ARMC3: variants seen among roughly 807,000 people sequenced by gnomAD.
ARMC3 encodes armadillo repeat-containing protein 3.
ARMC3 carries 74 observed loss-of-function variants against 90.3 expected under a neutral mutation model. The ratio of observed to expected loss-of-function variants is 0.82; its 90% CI spans 0.68 to 0.99. The LOEUF (loss-of-function observed/expected upper bound fraction) is 0.99. Among genes scored for constraint, ARMC3 ranks in the 50% least tolerant of loss-of-function variants. ARMC3 has a pLI of 0.00. For missense variants in ARMC3, 958 were observed against 1,042.8 expected, an observed-to-expected ratio of 0.92 and a Z score of 1.12; for synonymous variants, 334 against 361.8, an observed-to-expected ratio of 0.92 and a Z score of 0.87.
intron 3 of ARMC3, among the ~76,000 whole-genome samples, chr10:22,952,773 C>T (rs1024767456): frequency 2.0e-5 from 3 of 152,034 alleles, no homozygotes; most frequent in Admixed American, 6.6e-5. Flanking sequence ...TGTAAAAATT[C>T]TAAACAAAAG....
At chr10:22,929,095 G>A (rs1051687796) in intron 1 of ARMC3, among the ~76,000 whole-genome samples, 2 of 151,828 alleles carry the variant, frequency 1.3e-5, no homozygotes, top group Non-Finnish European at 1.5e-5. Flanking sequence ...GCGTGGTGGC[G>A]GGTACCTGTA....
At chr10:23,027,208 G>T (rs1156380270) in intron 16 of ARMC3, among the ~76,000 whole-genome samples, 1 of 152,084 alleles carries the variant, frequency 6.6e-6, no homozygotes, top group Non-Finnish European at 1.5e-5. Context: ...AGATCATTTT[G>T]GGGGAGAACT....
At chr10:23,020,031 T>G (rs1396577618) in intron 16 of ARMC3, among the ~76,000 whole-genome samples, 1 of 152,258 alleles carries the variant, frequency 6.6e-6, no homozygotes, top group Non-Finnish European at 1.5e-5. Context: ...ACTCACCTGT[T>G]AAAGGACATT....
chr10:23,002,874 C>T (rs544615115), intron 12 of ARMC3, among the ~76,000 whole-genome samples: 181 of 152,186 alleles, frequency 1.2e-3, no homozygotes, highest in Non-Finnish European at 2.0e-3. Flanking sequence ...ACATCTAGCC[C>T]CAGGTTTTAA....
At chr10:22,976,497 G>A (rs761182557) in intron 8 of ARMC3, among the ~76,000 whole-genome samples, 8 of 152,044 alleles carry the variant, frequency 5.3e-5, no homozygotes, top group African/African-American at 1.2e-4. Flanking sequence ...TTATTCCATC[G>A]TTTTCAAAAC....
chr10:22,938,341 G>A (rs531594320), intron 2 of ARMC3, among the ~76,000 whole-genome samples: 2 of 152,300 alleles, frequency 1.3e-5, no homozygotes, highest in Admixed American at 6.5e-5. Flanking sequence ...CACGTAGGAC[G>A]TTAGGTTATG....
intron 2 of ARMC3, among the ~76,000 whole-genome samples, chr10:22,935,240 A>C (rs1834067274): frequency 6.6e-6 from 1 of 152,222 alleles, no homozygotes; most frequent in African/African-American, 2.4e-5. Flanking sequence ...CCTCAGCTGC[A>C]CAACCAAATC....
chr10:22,952,694 A>G (rs1834780457), intron 3 of ARMC3, among the ~76,000 whole-genome samples: 1 of 151,992 alleles, frequency 6.6e-6, no homozygotes, highest in East Asian at 1.9e-4. Flanking sequence ...CCACTACTGT[A>G]TAAAGGCCCA....
chr10:22,953,038 G>A (rs1289114098), intron 3 of ARMC3, among the ~76,000 whole-genome samples: 3 of 152,176 alleles, frequency 2.0e-5, no homozygotes, highest in Non-Finnish European at 2.9e-5. Context: ...TTGAGATGAG[G>A]AGATTACCTT....
At chr10:23,017,544 C>T (rs778089974) in intron 16 of ARMC3, among the ~76,000 whole-genome samples, 25 of 152,220 alleles carry the variant, frequency 1.6e-4, no homozygotes, top group Admixed American at 6.5e-4. Flanking sequence ...ATGGGCGGAT[C>T]ACTTGAGGTC....
intron 4 of ARMC3, 35 bp from the exon 5 acceptor site, chr10:22,959,035 T>C: frequency 6.7e-7 from 1 of 1,496,894 alleles, no homozygotes; most frequent in Non-Finnish European, 9.3e-7. Flanking sequence ...TTATTATTAT[T>C]AATAAACATC....
chr10:23,012,372 C>T (rs1336338085), intron 16 of ARMC3, among the ~76,000 whole-genome samples: 1 of 152,084 alleles, frequency 6.6e-6, no homozygotes, highest in East Asian at 1.9e-4. Context: ...CTTTGCAATA[C>T]CGTAAATATC....
At chr10:22,991,031 T>C (rs144925729) in intron 10 of ARMC3, among the ~76,000 whole-genome samples, 7 of 152,158 alleles carry the variant, frequency 4.6e-5, no homozygotes, top group Non-Finnish European at 1.0e-4. Context: ...CCTTCTCATT[T>C]TCCATTCCCT....
intron 11 of ARMC3, among the ~76,000 whole-genome samples, chr10:22,999,797 TC>T (rs1194997518): frequency 6.6e-6 from 1 of 152,182 alleles, no homozygotes; most frequent in Non-Finnish European, 1.5e-5. Context: ...TTCTTCTGTC[TC>T]CTTGATCTCT....
chr10:22,979,733 G>A (rs757147613), intron 8 of ARMC3, among the ~76,000 whole-genome samples: 6 of 151,894 alleles, frequency 4.0e-5, no homozygotes, highest in Non-Finnish European at 4.4e-5. Flanking sequence ...AAACATTTTC[G>A]GAGCCACATA....
chr10:23,012,344 T>G (rs79757476), intron 16 of ARMC3, among the ~76,000 whole-genome samples: 4,209 of 152,264 alleles, frequency 0.028, 193 homozygotes, highest in African/African-American at 0.097. Context: ...TTTTGGCCCT[T>G]GGTGCTATCT....
At chr10:22,975,603 C>G (rs1835886445) in intron 8 of ARMC3, among the ~76,000 whole-genome samples, 1 of 152,038 alleles carries the variant, frequency 6.6e-6, no homozygotes, top group Non-Finnish European at 1.5e-5. Flanking sequence ...ATGAAGATTG[C>G]TTTTGTATTG....
rs769540620 is a variant in ARMC3, at chr10:23,008,319, G to A, written c.1873G>A (p.Gly625Arg). 6.4e-7 allele frequency: 1 copy of A among 1,558,746 alleles called. No individual in the cohort carries two copies. Among genetic ancestry groups the A allele is most frequent in the Non-Finnish European group, 8.8e-7 (1 of 1,142,552 alleles). ...GGAAGATAAATCAGATGTTGGTTAT[G>A]GACGAAGTATTTCTTCTTCATCTTC... ...SMEDKSDVGYGRSISSSSSLR... is the reference protein window; with the variant it reads ...SMEDKSDVGYRRSISSSSSLR... Residue 625 changes from glycine (G) to arginine (R), a missense_variant, in exon 15 of 19, where the codon GGA becomes AGA. Transcript: ENST00000298032.
At chr10:23,004,017 G>A (rs1837454264) in intron 13 of ARMC3, among the ~76,000 whole-genome samples, 1 of 152,006 alleles carries the variant, frequency 6.6e-6, no homozygotes, top group African/African-American at 2.4e-5. Flanking sequence ...GGGTATGGTG[G>A]CATGCATCTG....
Sources: allele counts gnomAD v4.1 joint callset (sites outside exome capture counted in the v4.1 genomes callset), GRCh38; gene constraint gnomAD v4.1.1; transcripts MANE v1.5; gene names NCBI Gene and HGNC (gene_info 2026-07-23, HGNC 2026-07-21).